CAND2: variants seen among roughly 807,000 people sequenced by gnomAD.
The protein encoded by CAND2 is cullin-associated NEDD8-dissociated protein 2.
A neutral mutation model predicts 98.9 loss-of-function variants in CAND2; 62 were observed. The ratio of observed to expected loss-of-function variants is 0.63; its 90% CI spans 0.51 to 0.77. The LOEUF (loss-of-function observed/expected upper bound fraction) is 0.77, where lower values mean the gene tolerates loss of function less well. Among genes scored for constraint, CAND2 ranks in the 30% least tolerant of loss-of-function variants. The probability of loss-of-function intolerance (pLI) is 0.00; values close to 1 mark genes in which losing one functional copy is unlikely to be tolerated. For synonymous variants in CAND2, 770 were observed against 731.9 expected (o/e 1.05, Z -0.84); for missense variants, 1,501 against 1,655.2 (o/e 0.91, Z 1.62).
rs1296033548 is a variant in CAND2, at chr3:12,817,408, C to T, written c.2476C>T (p.Leu826=). ...PQEAASTASR[L]VCDARSPHSS... The stretch of plus-strand genomic sequence containing the variant: ...AGAGGCGGCAAGCACAGCCAGTCGC[C>T]TGGTCTGCGATGCCAGGTCGCCCCA... The change falls in exon 10 of 15, where the codon CTG becomes TTG. Residue 826 remains leucine, a synonymous_variant. Transcript: ENST00000456430. The T allele has an allele frequency of 6.2e-7, 1 of 1,613,800 alleles. No homozygotes were observed. Among genetic ancestry groups the T allele is most frequent in the East Asian group, 2.2e-5 (1 of 44,888 alleles).
At chr3:12,826,136 A>G (rs2061997271) in intron 12 of CAND2, among the ~76,000 whole-genome samples, 1 of 152,208 alleles carries the variant, frequency 6.6e-6, no homozygotes, top group Non-Finnish European at 1.5e-5. Context: ...GTGCAAAAGC[A>G]GTAGCGTTCA....
rs1389388481 is a variant in CAND2, at chr3:12,817,248, G to A, written c.2316G>A (p.Val772=). The change falls in exon 10 of 15, where the codon GTG becomes GTA. Residue 772 remains valine (V), a synonymous_variant. Coordinates refer to ENST00000456430, the MANE Select transcript of CAND2 (RefSeq NM_001162499.2). ...QALVGTRPPC[V]DYAKLISLLT... ...TGGTAGGGACCCGTCCCCCGTGTGT[G>A]GACTATGCCAAACTCATCAGCCTGC... 6 of 1,613,922 alleles carry A rather than the reference G, an allele frequency of 3.7e-6. No homozygotes were observed. Among genetic ancestry groups the A allele is most frequent in the South Asian group, 1.1e-5 (1 of 91,080 alleles).
intron 11 of CAND2, among the ~76,000 whole-genome samples, chr3:12,823,483 C>T (rs529333244): frequency 6.6e-6 from 1 of 152,176 alleles, no homozygotes; most frequent in South Asian, 2.1e-4. Context: ...AATCCCAGCA[C>T]TTTGGGAGGC....
At chr3:12,806,988 T>G in intron 2 of CAND2, 1 of 244,454 alleles carries the variant, frequency 4.1e-6, no homozygotes, top group Non-Finnish European at 7.9e-6. Flanking sequence ...ACTCTGGAGG[T>G]GGGGCCCAGC....
chr3:12,797,176 C>T (rs1273883892), intron 1 of CAND2, among the ~76,000 whole-genome samples: 3 of 144,252 alleles, frequency 2.1e-5, no homozygotes, highest in Non-Finnish European at 1.5e-5. Context: ...CCCCCTCCCC[C>T]CCGCCCCCAC....
At chr3:12,821,055 G>A (rs1208246784) in intron 11 of CAND2, among the ~76,000 whole-genome samples, 3 of 152,140 alleles carry the variant, frequency 2.0e-5, no homozygotes, top group Non-Finnish European at 2.9e-5. Flanking sequence ...CCAACACGGT[G>A]AAACCCTGTC....
chr3:12,801,981 T>G (rs922614139), intron 1 of CAND2, among the ~76,000 whole-genome samples: 3 of 152,190 alleles, frequency 2.0e-5, no homozygotes, highest in African/African-American at 7.2e-5. Flanking sequence ...CTCCATCTGT[T>G]TGGCAGACAG....
chr3:12,807,445 C>T lies in CAND2; in HGVS notation c.352C>T (p.Pro118Ser), dbSNP rs1367326123. 2 of 1,551,520 alleles carry T rather than the reference C, an allele frequency of 1.3e-6. No homozygotes were observed. Among genetic ancestry groups the T allele is most frequent in the Admixed American group, 3.9e-5 (2 of 50,998 alleles). The change falls in exon 3 of 15, where the codon CCT becomes TCT. Residue 118 changes from proline (P) to serine (S), a missense_variant. By Grantham distance (74) the Pro-to-Ser change is moderately conservative (BLOSUM62 -1). Coordinates refer to ENST00000456430, the MANE Select transcript of CAND2 (RefSeq NM_001162499.2). ...IGLKTVLSEL[P>S]PAATGSGLAT... ...CCTCAAGACCGTCCTCTCGGAGCTC[C>T]CTCCTGCAGCCACAGGTACCCAGGT... is the stretch of plus-strand genomic sequence containing the variant.
intron 4 of CAND2, 92 bp from the exon 5 acceptor site, chr3:12,809,967 A>C: frequency 1.5e-6 from 2 of 1,352,356 alleles, no homozygotes; most frequent in South Asian, 3.4e-5. Flanking sequence ...TAATCCTGGG[A>C]AGGAGGCCGG....
chr3:12,834,057 A>C lies in CAND2; in HGVS notation c.*75A>C. The C allele has an allele frequency of 3.3e-6, 4 of 1,202,390 alleles. No homozygotes were observed. The highest frequency in any genetic ancestry group is 4.9e-6 in the Non-Finnish European group (4 of 819,948). The allele number at this position is 1,202,390 out of a possible 1,614,324, so 74.5% of individuals were successfully genotyped here. A position where few individuals can be genotyped will look rare whatever the true frequency, so the allele number is the denominator to read the frequency against. On this transcript the variant is annotated 3_prime_UTR_variant, in exon 15 of 15. Transcript: ENST00000456430. ...AAGTCCGAGGCCTCCCCATCCCACC[A>C]TCGCAGGTCTCTACTTTTGCCCTTC...
chr3:12,820,905 G>C (rs759788740), intron 11 of CAND2, among the ~76,000 whole-genome samples: 7 of 152,188 alleles, frequency 4.6e-5, no homozygotes, highest in Non-Finnish European at 1.0e-4. Context: ...CTGGGTGTGT[G>C]AGTGTGGACA....
intron 14 of CAND2, among the ~76,000 whole-genome samples, chr3:12,833,364 A>G (rs1412691744): frequency 4.6e-5 from 7 of 152,196 alleles, no homozygotes; most frequent in Non-Finnish European, 1.5e-5. Flanking sequence ...CCATTCATTC[A>G]GTCTAGTCAT....
intron 1 of CAND2, among the ~76,000 whole-genome samples, chr3:12,802,397 C>T (rs1439069474): frequency 2.0e-5 from 3 of 152,238 alleles, no homozygotes; most frequent in Non-Finnish European, 4.4e-5. Context: ...GGATGATGTC[C>T]TGTGCCATTA....
chr3:12,816,668 G>A lies in CAND2; in HGVS notation c.1736G>A (p.Arg579His), dbSNP rs763411636. ...EMSAVTLARL[R>H]ATDLDQEVKE... ...TCTGCTGTCACCCTGGCGCGACTTCGTGCCACTGACCTGGACCAGGAGGTG... is the reference window on the plus strand; with the variant it reads ...TCTGCTGTCACCCTGGCGCGACTTCATGCCACTGACCTGGACCAGGAGGTG... Residue 579 changes from arginine (R) to histidine (H), a missense_variant, in exon 10 of 15, where the codon CGT becomes CAT. By Grantham distance (29) the Arg-to-His change is conservative. Coordinates refer to ENST00000456430, the MANE Select transcript of CAND2 (RefSeq NM_001162499.2). The A allele has an allele frequency of 1.9e-5, 31 of 1,613,664 alleles. No homozygotes were observed. The Middle Eastern group carries it at 6.6e-4, about 34-fold the overall frequency.
intron 13 of CAND2, among the ~76,000 whole-genome samples, chr3:12,828,310 A>G (rs1268427834): frequency 6.6e-6 from 1 of 150,592 alleles, no homozygotes; most frequent in Non-Finnish European, 1.5e-5. Context: ...TACTATCTTC[A>G]GTAACTTACT....
intron 14 of CAND2, among the ~76,000 whole-genome samples, chr3:12,831,856 C>T (rs1240087270): frequency 6.6e-6 from 1 of 152,212 alleles, no homozygotes; most frequent in Non-Finnish European, 1.5e-5. Context: ...TAAACACTTC[C>T]TGGGTGCTGA....
chr3:12,823,875 C>T (rs1039439142), intron 11 of CAND2, among the ~76,000 whole-genome samples: 4 of 152,282 alleles, frequency 2.6e-5, no homozygotes, highest in East Asian at 3.9e-4. Flanking sequence ...CCGTCCTGGG[C>T]GACAGAGCGA....
At chr3:12,801,330 G>T (rs1033141310) in intron 1 of CAND2, among the ~76,000 whole-genome samples, 1 of 152,242 alleles carries the variant, frequency 6.6e-6, no homozygotes, top group African/African-American at 2.4e-5. Flanking sequence ...GAGCCGCCAT[G>T]CCAGGCCAAA....
At position 12,834,685 on chromosome 3, in the gene CAND2, C is replaced by G. The variant is rs1209197563; in HGVS notation, c.*703C>G. 6.6e-6 allele frequency: 1 copy of G among 152,332 alleles called. No homozygotes were observed. The highest frequency in any genetic ancestry group is 1.5e-5 in the Non-Finnish European group (1 of 68,166). The allele number at this position is 152,332 out of a possible 1,614,324, so 9.4% of individuals were successfully genotyped here. A position where few individuals can be genotyped will look rare whatever the true frequency, so the allele number is the denominator to read the frequency against. ...CCAGGCATAACCAGTTGGTTTGTTT[C>G]CTTCTGAGGAAGGTTTCAAATGTGT... On this transcript the variant is annotated 3_prime_UTR_variant, in exon 15 of 15. Transcript: ENST00000456430.
Sources: gnomAD v4.1 joint callset for allele counts (sites outside exome capture counted in the v4.1 genomes callset) on GRCh38, gnomAD v4.1.1 for gene constraint, MANE v1.5 for transcripts, NCBI Gene and HGNC (gene_info 2026-07-23, HGNC 2026-07-21) for gene names.